Variants in CCP110 observed in about 807,000 individuals in gnomAD.
The protein encoded by CCP110 is centriolar coiled-coil protein 110.
In CCP110, 43 loss-of-function variants were observed where a neutral mutation model predicts 105.5. The ratio of observed to expected loss-of-function variants is 0.41; its 90% confidence interval spans 0.32 to 0.53. The LOEUF (loss-of-function observed/expected upper bound fraction) is 0.53. Among genes scored for constraint, CCP110 ranks in the 20% least tolerant of loss-of-function variants. The probability of loss-of-function intolerance (pLI) is 0.32; values close to 1 mark genes in which losing one functional copy is unlikely to be tolerated. For synonymous variants in CCP110, 353 were observed against 392.1 expected (o/e 0.90, Z 1.18); for missense variants, 1,016 against 1,189.1 (o/e 0.85, Z 2.14).
rs150252922 is a variant in CCP110, at chr16:19,548,725, A to C, written c.2986+125A>C. The C allele has an allele frequency of 3.3e-6, 2 of 613,784 alleles. No individual in the cohort carries two copies. Among genetic ancestry groups the C allele is most frequent in the East Asian group, 5.6e-5 (2 of 35,614 alleles). The allele number at this position is 613,784 out of a possible 1,614,324, so 38.0% of individuals were successfully genotyped here. A position where few individuals can be genotyped will look rare whatever the true frequency, so the allele number is the denominator to read the frequency against. ...GCCACCATAATTTTGGCATATTCAC[A>C]GTCATCTTATTAGTGTTCTTTGGTC... On this transcript the variant is annotated intron_variant, in intron 14 of 14. Coordinates refer to ENST00000381396, the Ensembl canonical transcript of CCP110. This position sits in a 1 kb window ranked among gnomAD's most constrained non-coding sequence, Gnocchi z 4.1.
intron 2 of CCP110, 124 bp from the exon 3 acceptor site, chr16:19,532,292 G>T (rs1040615964): frequency 3.3e-5 from 24 of 722,714 alleles, no homozygotes; most frequent in Non-Finnish European, 5.0e-5. Flanking sequence ...CCATTGTTCT[G>T]ATTTCTTTCA....
At chr16:19,525,222 CG>C (rs1969628250) in intron 1 of CCP110, 1 of 152,072 alleles carries the variant, frequency 6.6e-6, no homozygotes, top group African/African-American at 2.4e-5. Flanking sequence ...TGGCAGAGCA[CG>C]GGTAAGGAGC....
intron 8 of CCP110, 116 bp downstream of exon 8, chr16:19,543,110 A>C (rs1281147502): frequency 1.6e-6 from 1 of 638,932 alleles, no homozygotes; most frequent in Non-Finnish European, 2.8e-6. Context: ...ACTGTAATCT[A>C]GGCAGTTTTA....
intron 1 of CCP110, chr16:19,527,146 CAAT>C (rs1459032194): frequency 6.6e-6 from 1 of 152,128 alleles, no homozygotes; most frequent in Non-Finnish European, 1.5e-5. Context: ...CAATTTTCAA[CAAT>C]AAAATATAAT....
At chr16:19,546,932 G>A (rs531149477) in intron 12 of CCP110, 7 of 155,576 alleles carry the variant, frequency 4.5e-5, no homozygotes, top group South Asian at 3.8e-4. Flanking sequence ...GTCGGGGGTC[G>A]TCCTCAGGCT....
exon 7 of CCP110, chr16:19,542,687 G>A: frequency 6.2e-7 from 1 of 1,613,432 alleles, no homozygotes; most frequent in Non-Finnish European, 8.5e-7. Flanking sequence ...TACCTCTGGG[G>A]ATCATCAACT....
Position 19,537,950 on chromosome 16 carries a change from ATGGAGTTTC to A in CCP110, c.1918+367_1918+375del, listed in dbSNP as rs376452101. Among the ~76,000 whole-genome samples the A allele has an allele frequency of 1.8e-4, 28 of 152,190 alleles. No individual in the cohort carries two copies. The East Asian group carries it at 4.1e-3, about 22-fold the overall frequency. On this transcript the variant is annotated intron_variant, in intron 4 of 14. Transcript: ENST00000381396. The stretch of plus-strand genomic sequence containing the variant: ...TTTTTGTATTTTTTGTACTGTAGAG[ATGGAGTTTC>A]TGGCATGTTGCCCAAGCTGGTCTCA...
At chr16:19,539,470 C>T (rs1383348628) in intron 4 of CCP110, among the ~76,000 whole-genome samples, 1 of 151,830 alleles carries the variant, frequency 6.6e-6, no homozygotes, top group Non-Finnish European at 1.5e-5. Flanking sequence ...GATTCTCCTG[C>T]CTCAGCCTTC....
intron 2 of CCP110, among the ~76,000 whole-genome samples, chr16:19,528,381 CAA>C (rs1285443395): frequency 6.6e-6 from 1 of 152,174 alleles, no homozygotes; most frequent in African/African-American, 2.4e-5. Context: ...GAAATAAGTA[CAA>C]AGTTACATTA....
At chr16:19,537,648 A>ACC in intron 4 of CCP110, 61 bp downstream of exon 4, 1 of 961,438 alleles carries the variant, frequency 1.0e-6, no homozygotes, top group Non-Finnish European at 1.5e-6. Context: ...TAATACTCTT[A>ACC]ATTGACATTT....
chr16:19,527,617 C>G (rs985876857), intron 1 of CCP110, among the ~76,000 whole-genome samples: 3 of 151,842 alleles, frequency 2.0e-5, no homozygotes, highest in African/African-American at 7.3e-5. Context: ...TAAATTAATC[C>G]CATTTAAAGA....
At chr16:19,538,299 G>GTTTT (rs1555491002) in intron 4 of CCP110, among the ~76,000 whole-genome samples, 16 of 86,800 alleles carry the variant, frequency 1.8e-4, no homozygotes, top group Admixed American at 2.7e-4. Context: ...GGAGGAAACA[G>GTTTT]TTCTTTTTTT....
chr16:19,535,999 T>C (rs1160196868), exon 4 of CCP110: 5 of 1,613,804 alleles, frequency 3.1e-6, no homozygotes, highest in Non-Finnish European at 4.2e-6. Context: ...CAGTTTACTC[T>C]AATTCAGAAG....
At position 19,548,008 on chromosome 16, in the gene CCP110, G is replaced by T. The variant is rs1244452501; in HGVS notation, c.2894G>T (p.Arg965Ile). Residue 965 changes from arginine to isoleucine, a missense_variant, in exon 13 of 15, where the codon AGA becomes ATA. Physicochemically the swap from Arg to Ile is moderately conservative, Grantham distance 97 (BLOSUM62 -3). Transcript: ENST00000381396. The surrounding 1 kb of genome is among the most constrained non-coding windows in gnomAD (Gnocchi z 4.1). Reference sequence around the variant, plus strand: ...GCACCTGTTCATAGGCTACTTAGTAGACAAGGGTAAGAATGCCACACACGG... The same window carrying T: ...GCACCTGTTCATAGGCTACTTAGTATACAAGGGTAAGAATGCCACACACGG... The T allele has an allele frequency of 2.5e-6, 4 of 1,608,788 alleles. No homozygotes were observed. Among genetic ancestry groups the T allele is most frequent in the Non-Finnish European group, 3.4e-6 (4 of 1,175,420 alleles).
chr16:19,535,729 C>G (rs1970029109), intron 3 of CCP110, among the ~76,000 whole-genome samples: 2 of 152,066 alleles, frequency 1.3e-5, no homozygotes, highest in African/African-American at 4.8e-5. Context: ...CTTTTAATAA[C>G]TTAGGCAGGA....
chr16:19,537,278 T>G (rs1366560307), exon 4 of CCP110: 3 of 1,614,122 alleles, frequency 1.9e-6, no homozygotes, highest in South Asian at 2.2e-5. Flanking sequence ...AAACTGCAGT[T>G]TGCAAACAGA....
chr16:19,543,101 C>T (rs1033343816), intron 8 of CCP110, 107 bp downstream of exon 8: 1 of 679,022 alleles, frequency 1.5e-6, no homozygotes, highest in African/African-American at 1.8e-5. Context: ...TTTTTAGTCA[C>T]TGTAATCTAG....
In CCP110 at chr16:19,536,971, AGTTT is replaced by A; in HGVS notation, c.1306_1309del (p.Cys436GlnfsTer19). 6.2e-7 allele frequency: 1 copy of A among 1,614,260 alleles called. No homozygotes were observed. The highest frequency in any genetic ancestry group is 8.5e-7 in the Non-Finnish European group (1 of 1,180,050). ...CAAAGTTACCAACTGATTTAGCGGG[AGTTT>A]GTTCAAGCAAGGTTTATGTGGGCAA... On this transcript the variant is annotated frameshift_variant, in exon 4 of 15. Transcript: ENST00000381396. LOFTEE classifies it high-confidence loss of function.
chr16:19,539,370 A>AC (rs932006321), intron 4 of CCP110, among the ~76,000 whole-genome samples: 34 of 143,422 alleles, frequency 2.4e-4, no homozygotes, highest in African/African-American at 8.8e-4. Context: ...TTTTTTTTTA[A>AC]TTTTTTTTTT....
Sources: gnomAD v4.1 joint callset for allele counts (sites outside exome capture counted in the v4.1 genomes callset) on GRCh38, gnomAD v4.1.1 for gene constraint, Gnocchi (gnomAD v3.1) non-coding constraint, MANE v1.5 for transcripts, NCBI Gene and HGNC (gene_info 2026-07-23, HGNC 2026-07-21) for gene names.